Variants in ZNF841 observed in about 807,000 individuals in gnomAD.
ZNF841 encodes zinc finger protein 841.
ZNF841 carries 11 observed loss-of-function variants against 13.0 expected under a neutral mutation model. The observed-to-expected ratio is 0.85, with a 90% CI of 0.53 to 1.40. ZNF841 has a LOEUF of 1.40. Ranked by LOEUF, ZNF841 falls within the 40% of genes most tolerant of loss-of-function variation. ZNF841 has a pLI of 0.00. For synonymous variants in ZNF841, 369 were observed against 381.6 expected (o/e 0.97, Z 0.38); for missense variants, 1,068 against 1,139.5 (o/e 0.94, Z 0.90).
intron 4 of ZNF841, among the ~76,000 whole-genome samples, chr19:52,083,818 CTT>C (rs200811423): frequency 6.7e-4 from 93 of 138,752 alleles, no homozygotes; most frequent in Admixed American, 1.8e-3. Context: ...TCATAGTTAC[CTT>C]TTTTTTTTTT....
chr19:52,076,314 G>A lies in ZNF841; in HGVS notation c.143-142C>T. On this transcript the variant is annotated intron_variant, in intron 5 of 6. Transcript: ENST00000594440. Reference sequence around the variant, plus strand: ...TTGATTGCCTCCTTCTGAATGCTTAGTGAACACTGTAAGATGAAGATATCT... The same window carrying A: ...TTGATTGCCTCCTTCTGAATGCTTAATGAACACTGTAAGATGAAGATATCT... 7 of 1,009,908 alleles carry A rather than the reference G, an allele frequency of 6.9e-6. No individual in the cohort carries two copies. In the South Asian group the frequency reaches 1.2e-4, roughly 17 times the overall value. The allele number at this position is 1,009,908 out of a possible 1,614,324, so 62.6% of individuals were successfully genotyped here. A position where few individuals can be genotyped will look rare whatever the true frequency, so the allele number is the denominator to read the frequency against.
chr19:52,065,648 A>T lies in ZNF841; in HGVS notation c.2234T>A (p.Val745Asp). ...TGCCAGGGTTGTAGTGGAGTTAAAG[A>T]CTTTCCCACATTCAATACATTTGTA... ...MPYKCIECGK[V>D]FNSTTTLARH... Residue 745 changes from valine to aspartate, a missense_variant, in exon 7 of 7, where the codon GTC (valine) becomes GAC (aspartate). Transcript: ENST00000594440. 1 of 1,606,392 alleles carries T rather than the reference A, an allele frequency of 6.2e-7. No individual in the cohort carries two copies. Among genetic ancestry groups the T allele is most frequent in the Non-Finnish European group, 8.5e-7 (1 of 1,176,044 alleles).
chr19:52,064,353 C>CAAAAAAAAAAAAAAAAA (rs56135758), downstream of ZNF841: 5 of 35,454 alleles, frequency 1.4e-4, no homozygotes, highest in Admixed American at 8.4e-4. Flanking sequence ...ACTCCGTCTC[C>CAAAAAAAAAAAAAAAAA]AAAAAAAAAA....
intron 4 of ZNF841, 68 bp from the exon 5 acceptor site, chr19:52,077,152 G>A (rs1216635321): frequency 1.3e-6 from 2 of 1,482,576 alleles, no homozygotes; most frequent in Admixed American, 4.4e-5. Context: ...AATGAGAAGA[G>A]GAGAGAACTG....
At chr19:52,083,404 C>T (rs1157845611) in intron 4 of ZNF841, among the ~76,000 whole-genome samples, 2 of 147,210 alleles carry the variant, frequency 1.4e-5, no homozygotes, top group Non-Finnish European at 3.0e-5. Flanking sequence ...CCACCAATGA[C>T]ACATGACATG....
At chr19:52,074,279 A>G (rs1262209765) in intron 6 of ZNF841, among the ~76,000 whole-genome samples, 2 of 152,274 alleles carry the variant, frequency 1.3e-5, no homozygotes, top group Non-Finnish European at 2.9e-5. Context: ...GATTAAATAA[A>G]TAAAAACAAA....
At chr19:52,078,332 C>T (rs1568542923) in intron 4 of ZNF841, among the ~76,000 whole-genome samples, 1 of 151,880 alleles carries the variant, frequency 6.6e-6, no homozygotes, top group Non-Finnish European at 1.5e-5. Flanking sequence ...CAGAAGCACA[C>T]ACATAATACA....
At chr19:52,076,752 C>T (rs2087914690) in intron 5 of ZNF841, among the ~76,000 whole-genome samples, 1 of 151,828 alleles carries the variant, frequency 6.6e-6, no homozygotes, top group South Asian at 2.1e-4. Flanking sequence ...GCTCTGGAGT[C>T]ACCACTAATG....
chr19:52,090,620 A>G (rs2088438864), intron 2 of ZNF841, among the ~76,000 whole-genome samples: 1 of 121,200 alleles, frequency 8.3e-6, no homozygotes, highest in Admixed American at 8.9e-5. Context: ...AAAAAGAAAG[A>G]AAGAAAGAAA....
rs1160912938 is a variant in ZNF841, at chr19:52,093,890, T to C, written c.-188A>G. On this transcript the variant is annotated 5_prime_UTR_variant, in exon 2 of 7. Transcript: ENST00000594440. The stretch of plus-strand genomic sequence containing the variant: ...GGCTCACATCTGTAATTCCAGTGCG[T>C]TGAGAGGCTGAGGTGGAAAGACTGC... 2.6e-5 allele frequency: 4 copies of C among 152,184 alleles called. No individual in the cohort carries two copies. The highest frequency in any genetic ancestry group is 5.9e-5 in the Non-Finnish European group (4 of 68,038). The allele number at this position is 152,184 out of a possible 1,614,324, so 9.4% of individuals were successfully genotyped here.
chr19:52,084,666 G>T, intron 4 of ZNF841, 121 bp downstream of exon 4: 1 of 1,049,054 alleles, frequency 9.5e-7, no homozygotes, highest in Non-Finnish European at 1.4e-6. Context: ...AGGAAGGCAT[G>T]GGTGAGTGCG....
chr19:52,075,164 C>G (rs184411652), intron 6 of ZNF841, among the ~76,000 whole-genome samples: 7 of 152,166 alleles, frequency 4.6e-5, no homozygotes, highest in African/African-American at 1.7e-4. Flanking sequence ...AATGTCCGAC[C>G]CTAGAAATGC....
intron 6 of ZNF841, among the ~76,000 whole-genome samples, chr19:52,073,114 C>T (rs2087788057): frequency 6.6e-6 from 1 of 151,940 alleles, no homozygotes; most frequent in Non-Finnish European, 1.5e-5. Context: ...ACATTCTATT[C>T]AATAAAGGGT....
chr19:52,093,756 T>C (rs1268986895), intron 2 of ZNF841, 90 bp downstream of exon 2: 7 of 152,156 alleles, frequency 4.6e-5, no homozygotes, highest in Non-Finnish European at 1.0e-4. Context: ...GCTTCCAAAA[T>C]AACAATTAAT....
chr19:52,072,031 G>A (rs968776529), intron 6 of ZNF841, among the ~76,000 whole-genome samples: 4 of 152,144 alleles, frequency 2.6e-5, no homozygotes, highest in Non-Finnish European at 4.4e-5. Context: ...AATGTTAACC[G>A]AAAGACATCA....
At chr19:52,093,465 G>A (rs765219785) in intron 2 of ZNF841, among the ~76,000 whole-genome samples, 4 of 152,156 alleles carry the variant, frequency 2.6e-5, no homozygotes, top group Admixed American at 6.5e-5. Context: ...CTGCTGGGGG[G>A]TGAAAATGGA....
At chr19:52,082,930 A>T (rs1199767515) in intron 4 of ZNF841, among the ~76,000 whole-genome samples, 1 of 152,010 alleles carries the variant, frequency 6.6e-6, no homozygotes, top group Non-Finnish European at 1.5e-5. Flanking sequence ...AATACAAAAA[A>T]TTAACTGGGC....
At chr19:52,093,514 T>C (rs2088574375) in intron 2 of ZNF841, among the ~76,000 whole-genome samples, 1 of 152,180 alleles carries the variant, frequency 6.6e-6, no homozygotes, top group Admixed American at 6.5e-5. Context: ...TGTTATAAAA[T>C]GAAGAAGTTC....
At chr19:52,085,312 T>A (rs1289903458) in intron 3 of ZNF841, among the ~76,000 whole-genome samples, 2 of 152,212 alleles carry the variant, frequency 1.3e-5, no homozygotes, top group Non-Finnish European at 2.9e-5. Context: ...CCATCCTACC[T>A]ACTGGAAGTG....
Sources: allele counts gnomAD v4.1 joint callset (sites outside exome capture counted in the v4.1 genomes callset), GRCh38; gene constraint gnomAD v4.1.1; transcripts MANE v1.5; gene names NCBI Gene and HGNC (gene_info 2026-07-23, HGNC 2026-07-21).